MARCHF3: variants seen among roughly 807,000 people sequenced by gnomAD.
The protein encoded by MARCHF3 is membrane associated ring-CH-type finger 3.
In MARCHF3, 13 loss-of-function variants were observed where a neutral mutation model predicts 24.2. That is an observed-to-expected ratio of 0.54 (90% CI 0.35 to 0.85). The LOEUF is 0.85. MARCHF3 is among the 40% of genes least tolerant of loss of function. The pLI, the probability that MARCHF3 is intolerant of heterozygous loss-of-function variation, is 0.01. For synonymous variants in MARCHF3, 144 were observed against 137.3 expected (o/e 1.05, Z -0.34); for missense variants, 276 against 325.0 (o/e 0.85, Z 1.16).
chr5:126,944,484 G>A (rs1256405332), intron 1 of MARCHF3, among the ~76,000 whole-genome samples: 1 of 152,200 alleles, frequency 6.6e-6, no homozygotes, highest in East Asian at 1.9e-4. Flanking sequence ...CCAGGGGGCT[G>A]AGGCAGGGGA....
intron 1 of MARCHF3, among the ~76,000 whole-genome samples, chr5:126,986,155 G>GT (rs1751559301): frequency 6.6e-6 from 1 of 152,158 alleles, no homozygotes; most frequent in Non-Finnish European, 1.5e-5. Context: ...AAGACCTGGA[G>GT]TTTGTAGCAG....
intron 1 of MARCHF3, among the ~76,000 whole-genome samples, chr5:127,026,186 A>C (rs1156837417): frequency 6.6e-6 from 1 of 152,200 alleles, no homozygotes; most frequent in Non-Finnish European, 1.5e-5. Flanking sequence ...ATTCTACTAT[A>C]GTTTTTGTAA....
chr5:126,931,067 G>A (rs1205381396), intron 1 of MARCHF3, among the ~76,000 whole-genome samples: 3 of 152,224 alleles, frequency 2.0e-5, no homozygotes, highest in Admixed American at 2.0e-4. Context: ...ATTGAGTGTA[G>A]AATAGCAAAG....
At position 126,968,847 on chromosome 5, in the gene MARCHF3, G is replaced by A. The variant is rs1296389667; in HGVS notation, c.-56-50620C>T. Among the ~76,000 whole-genome samples, 7 of 152,104 alleles carry A rather than the reference G, an allele frequency of 4.6e-5. No homozygotes were observed. The East Asian group carries it at 1.4e-3, about 29-fold the overall frequency. Reference sequence around the variant, plus strand: ...TGGGATTACCGGTGTGAGCTACCGTGCCTAGCCTATTTTTTTCAACTATTA... The same window carrying A: ...TGGGATTACCGGTGTGAGCTACCGTACCTAGCCTATTTTTTTCAACTATTA... On this transcript the variant is annotated intron_variant, in intron 1 of 4. Transcript: ENST00000308660.
At chr5:126,965,020 G>GC (rs1750758647) in intron 1 of MARCHF3, among the ~76,000 whole-genome samples, 1 of 117,556 alleles carries the variant, frequency 8.5e-6, no homozygotes, top group African/African-American at 3.4e-5. Flanking sequence ...CATGTTCTTA[G>GC]TAAAAAAAAA....
chr5:126,951,050 C>T (rs961058509), intron 1 of MARCHF3, among the ~76,000 whole-genome samples: 1 of 152,196 alleles, frequency 6.6e-6, no homozygotes, highest in African/African-American at 2.4e-5. Context: ...GCTTCTGCCA[C>T]CACCACTTCA....
At chr5:126,908,690 C>G (rs1385476117) in intron 3 of MARCHF3, among the ~76,000 whole-genome samples, 1 of 150,886 alleles carries the variant, frequency 6.6e-6, no homozygotes, top group Non-Finnish European at 1.5e-5. Context: ...TTAAGCACTT[C>G]TCTGTATTGG....
At chr5:127,012,417 G>T (rs1752501278) in intron 1 of MARCHF3, among the ~76,000 whole-genome samples, 1 of 152,134 alleles carries the variant, frequency 6.6e-6, no homozygotes, top group South Asian at 2.1e-4. Flanking sequence ...AAAAGTGAAA[G>T]ACTCATGTCC....
intron 2 of MARCHF3, 73 bp downstream of exon 2, chr5:126,917,911 C>A: frequency 1.3e-6 from 2 of 1,489,382 alleles, no homozygotes; most frequent in Non-Finnish European, 1.8e-6. Context: ...ATTACATTCC[C>A]ATTAGCATTT....
chr5:126,929,889 G>A (rs1185303263), intron 1 of MARCHF3, among the ~76,000 whole-genome samples: 1 of 152,142 alleles, frequency 6.6e-6, no homozygotes, highest in Non-Finnish European at 1.5e-5. Flanking sequence ...CCCTGCACAT[G>A]CTCTTTTTTG....
chr5:126,989,587 G>A (rs1221420518), intron 1 of MARCHF3, among the ~76,000 whole-genome samples: 1 of 152,116 alleles, frequency 6.6e-6, no homozygotes, highest in African/African-American at 2.4e-5. Context: ...AGCTCCACAG[G>A]CAGGGGCACA....
chr5:126,867,790 G>A lies in MARCHF3; in HGVS notation c.*2843C>T, dbSNP rs559189683. 1 of 152,194 alleles carries A rather than the reference G, an allele frequency of 6.6e-6. No individual in the cohort carries two copies. The highest frequency in any genetic ancestry group is 1.5e-5 in the Non-Finnish European group (1 of 68,038). 9.4% of individuals were successfully genotyped at this position (152,194 alleles called of 1,614,324 possible). ...CTGAGTCTCTGCTGTGTTCTCTGAG[G>A]AGCTGTAGAATTTGTGTCGATGCTC... On this transcript the variant is annotated 3_prime_UTR_variant, in exon 5 of 5. Coordinates refer to ENST00000308660, the MANE Select transcript of MARCHF3 (RefSeq NM_178450.5).
intron 1 of MARCHF3, among the ~76,000 whole-genome samples, chr5:127,000,210 T>C (rs1752082560): frequency 6.6e-6 from 1 of 151,906 alleles, no homozygotes; most frequent in African/African-American, 2.4e-5. Flanking sequence ...AACCTCCCTC[T>C]CCCTGTAGCC....
chr5:126,957,341 T>C (rs1338285399), intron 1 of MARCHF3, among the ~76,000 whole-genome samples: 1 of 152,216 alleles, frequency 6.6e-6, no homozygotes, highest in African/African-American at 2.4e-5. Flanking sequence ...TCTAATTTTG[T>C]TTACAGGCTA....
At chr5:126,924,841 C>A (rs779926685) in intron 1 of MARCHF3, among the ~76,000 whole-genome samples, 2 of 152,218 alleles carry the variant, frequency 1.3e-5, no homozygotes, top group Non-Finnish European at 2.9e-5. Flanking sequence ...GTAGTTGCTT[C>A]ATTAAACTTA....
At chr5:126,978,637 AC>A (rs1166718678) in intron 1 of MARCHF3, among the ~76,000 whole-genome samples, 1 of 152,222 alleles carries the variant, frequency 6.6e-6, no homozygotes, top group Admixed American at 6.5e-5. Context: ...AAGAAAAAAG[AC>A]GTTTTCTTCA....
intron 1 of MARCHF3, among the ~76,000 whole-genome samples, chr5:126,928,954 T>G (rs750567578): frequency 9.2e-5 from 14 of 152,188 alleles, no homozygotes; most frequent in Non-Finnish European, 1.5e-4. Flanking sequence ...TCTAACAAAC[T>G]TAATATTCCC....
chr5:126,945,004 GC>G (rs1749961219), intron 1 of MARCHF3, among the ~76,000 whole-genome samples: 3 of 151,940 alleles, frequency 2.0e-5, no homozygotes, highest in Non-Finnish European at 2.9e-5. Context: ...TTTTTTGCCT[GC>G]CCCTTCCTCC....
chr5:126,906,297 T>C (rs916602900), intron 3 of MARCHF3, among the ~76,000 whole-genome samples: 2 of 152,070 alleles, frequency 1.3e-5, no homozygotes, highest in African/African-American at 4.8e-5. Context: ...TGTGTCTCTG[T>C]CAGGCTTTGG....
Sources: allele counts gnomAD v4.1 joint callset (sites outside exome capture counted in the v4.1 genomes callset), GRCh38; gene constraint gnomAD v4.1.1; transcripts MANE v1.5; gene names NCBI Gene and HGNC (gene_info 2026-07-23, HGNC 2026-07-21).